The following SPRED1 variants were observed in gnomAD, a reference collection of about 807,000 sequenced individuals.
The protein encoded by SPRED1 is sprouty-related, EVH1 domain-containing protein 1.
Under a neutral mutation model 52.3 loss-of-function variants are expected in SPRED1, and 18 were observed. The ratio of observed to expected loss-of-function variants is 0.34; its 90% CI spans 0.24 to 0.51. SPRED1 has a LOEUF of 0.51. SPRED1 is among the 20% of genes least tolerant of loss of function. The pLI is 0.97. For synonymous variants in SPRED1, 155 were observed against 179.7 expected (o/e 0.86, Z 1.10); for missense variants, 485 against 551.0 (o/e 0.88, Z 1.20).
intron 1 of SPRED1, chr15:38,298,525 T>C: frequency 3.1e-6 from 1 of 322,518 alleles, no homozygotes; most frequent in Non-Finnish European, 5.8e-6. Context: ...AAAAATTAAC[T>C]TCTGGTACAC....
chr15:38,272,571 C>T (rs1258156329), intron 1 of SPRED1, among the ~76,000 whole-genome samples: 1 of 152,102 alleles, frequency 6.6e-6, no homozygotes, highest in Non-Finnish European at 1.5e-5. Flanking sequence ...TGCCCGACCT[C>T]GAATGGTAGT....
chr15:38,333,109 A>AT (rs1895838494), intron 4 of SPRED1, among the ~76,000 whole-genome samples: 1 of 152,168 alleles, frequency 6.6e-6, no homozygotes, highest in African/African-American at 2.4e-5. Context: ...GGACACAAAC[A>AT]TTCGGAGTAT....
chr15:38,338,038 TAAAAA>T (rs66632536), intron 4 of SPRED1, among the ~76,000 whole-genome samples: 5 of 88,912 alleles, frequency 5.6e-5, no homozygotes, highest in South Asian at 8.3e-4. Flanking sequence ...CCATTGCTAC[TAAAAA>T]AAAAAAAAAA....
chr15:38,318,872 C>A (rs1006419468), intron 2 of SPRED1, among the ~76,000 whole-genome samples: 1 of 152,102 alleles, frequency 6.6e-6, no homozygotes, highest in African/African-American at 2.4e-5. Context: ...TAGGTTGATT[C>A]CATGTCTTTG....
In SPRED1 at chr15:38,320,775, A is replaced by C. The variant is rs115422038; in HGVS notation, c.208-1466A>C. Among the ~76,000 whole-genome samples the C allele has an allele frequency of 2.0e-3, 312 of 152,284 alleles. 1 individual carries two copies. The highest frequency in any genetic ancestry group is 6.9e-3 in the African/African-American group (288 of 41,564). ...GATTCTTAAAATAATTAAGGTGTGTAGTTCTAGTCTTTTTATTAGATTAAT... is the reference window on the plus strand; with the variant it reads ...GATTCTTAAAATAATTAAGGTGTGTCGTTCTAGTCTTTTTATTAGATTAAT... On this transcript the variant is annotated intron_variant, in intron 2 of 6. Transcript: ENST00000299084.
At chr15:38,319,092 GTTA>G (rs149830361) in intron 2 of SPRED1, among the ~76,000 whole-genome samples, 125,231 of 151,754 alleles carry the variant, frequency 0.83, 52,464 homozygotes, top group Non-Finnish European at 0.9. Context: ...TTAATTTGGT[GTTA>G]TTATTATATA....
chr15:38,268,940 CTT>C (rs66775738), intron 1 of SPRED1, among the ~76,000 whole-genome samples: 131 of 121,856 alleles, frequency 1.1e-3, no homozygotes, highest in East Asian at 2.7e-3. Flanking sequence ...TAACTTTTTT[CTT>C]TTTTTTTTTT....
intron 1 of SPRED1, among the ~76,000 whole-genome samples, chr15:38,263,174 T>A (rs1421117689): frequency 6.6e-6 from 1 of 152,208 alleles, no homozygotes; most frequent in Non-Finnish European, 1.5e-5. Flanking sequence ...GGTTGTGGGA[T>A]GACTTGAACA....
At position 38,351,317 on chromosome 15, in the gene SPRED1, G is replaced by A. The variant is rs1262032202; in HGVS notation, c.988G>A (p.Gly330Ser). ...GAAGTCAAAACGAAGAAAAGAGGAT[G>A]GTGAACGTTCTCGCTGCGTATACTG... ...IKKSKRRKED[G>S]ERSRCVYCQE... The change falls in exon 7 of 7, where the codon GGT (glycine) becomes AGT (serine). Residue 330 changes from glycine (G) to serine (S), a missense_variant. By Grantham distance (56) the Gly-to-Ser change is moderately conservative (BLOSUM62 0). This residue lies in a region of SPRED1 where 205 missense variants were observed against 245.2 expected (regional missense o/e 0.84). Transcript: ENST00000299084. 2.5e-6 allele frequency: 4 copies of A among 1,614,066 alleles called. 1 individual carries two copies. In the South Asian group the frequency reaches 4.4e-5, roughly 18 times the overall value.
intron 3 of SPRED1, among the ~76,000 whole-genome samples, chr15:38,324,283 A>G (rs1895664922): frequency 6.6e-6 from 1 of 152,208 alleles, no homozygotes; most frequent in South Asian, 2.1e-4. Context: ...AAAAGTCAGT[A>G]ACAACAATTG....
At chr15:38,302,961 C>T (rs973323559) in intron 2 of SPRED1, among the ~76,000 whole-genome samples, 7 of 151,792 alleles carry the variant, frequency 4.6e-5, no homozygotes, top group Non-Finnish European at 7.4e-5. Context: ...CAGGAAATAG[C>T]GACCATCGTG....
At chr15:38,295,975 G>A (rs1281365017) in intron 1 of SPRED1, among the ~76,000 whole-genome samples, 1 of 152,098 alleles carries the variant, frequency 6.6e-6, no homozygotes, top group Non-Finnish European at 1.5e-5. Flanking sequence ...CCAGGAAATG[G>A]GAAGAATGGG....
At chr15:38,291,891 G>A (rs72709700) in intron 1 of SPRED1, among the ~76,000 whole-genome samples, 13,821 of 152,210 alleles carry the variant, frequency 0.091, 757 homozygotes, top group East Asian at 0.21. Context: ...ATGGTCTTGG[G>A]GATTAACATT....
chr15:38,314,390 C>A (rs1895428886), intron 2 of SPRED1, among the ~76,000 whole-genome samples: 1 of 151,786 alleles, frequency 6.6e-6, no homozygotes, highest in Non-Finnish European at 1.5e-5. Context: ...ATTCATTATA[C>A]CTTTTAGCCT....
intron 1 of SPRED1, among the ~76,000 whole-genome samples, chr15:38,293,249 G>A (rs1486186753): frequency 2.6e-5 from 4 of 151,748 alleles, no homozygotes; most frequent in Non-Finnish European, 4.4e-5. Flanking sequence ...ACAGGCACAC[G>A]CCACTACGCC....
Position 38,356,563 on chromosome 15 carries a change from A to G in SPRED1, c.*4899A>G, listed in dbSNP as rs1888626225. On this transcript the variant is annotated 3_prime_UTR_variant, in exon 7 of 7. Coordinates refer to ENST00000299084, the MANE Select transcript of SPRED1 (RefSeq NM_152594.3). ...CTTTTGATAATTAGCTCTGTTCTTTAAAAGTATACTTTTAAACTGAAAGTT... is the reference window on the plus strand; with the variant it reads ...CTTTTGATAATTAGCTCTGTTCTTTGAAAGTATACTTTTAAACTGAAAGTT... The G allele has an allele frequency of 3.3e-5, 5 of 151,690 alleles. No homozygotes were observed. The highest frequency in any genetic ancestry group is 7.4e-5 in the Non-Finnish European group (5 of 67,950). 9.4% of individuals were successfully genotyped at this position (151,690 alleles called of 1,614,324 possible).
In SPRED1 at chr15:38,253,114, C is replaced by A; in HGVS notation, c.-72C>A. 7.0e-7 allele frequency: 1 copy of A among 1,431,770 alleles called. No homozygotes were observed. Among genetic ancestry groups the A allele is most frequent in the Non-Finnish European group, 9.6e-7 (1 of 1,039,016 alleles). The allele number at this position is 1,431,770 out of a possible 1,614,324, so 88.7% of individuals were successfully genotyped here. ...CCCCCGGCCGCCGCTGCCTCCTGCC[C>A]CTCGGTGCTGCTGTTGCTCCCCCGC... On this transcript the variant is annotated 5_prime_UTR_variant, in exon 1 of 7. Transcript: ENST00000299084.
intron 4 of SPRED1, among the ~76,000 whole-genome samples, chr15:38,327,547 A>T (rs1895729897): frequency 6.6e-6 from 1 of 152,120 alleles, no homozygotes; most frequent in South Asian, 2.1e-4. Flanking sequence ...TGGAGGAGAG[A>T]TGTATGAAGA....
intron 1 of SPRED1, among the ~76,000 whole-genome samples, chr15:38,261,998 C>CTTTTTTTTTTTTTTTTTTTTTCTTTTTT (rs35445689): frequency 7.4e-6 from 1 of 135,670 alleles, no homozygotes; most frequent in Non-Finnish European, 1.6e-5. Context: ...TCACCAAACT[C>CTTTTTTTTTTTTTTTTTTTTTCTTTTTT]TTTTTTTTTT....
Sources: allele counts gnomAD v4.1 joint callset (sites outside exome capture counted in the v4.1 genomes callset), GRCh38; gene constraint gnomAD v4.1.1; regional missense constraint gnomAD v4.1.1; transcripts MANE v1.5; gene names NCBI Gene and HGNC (gene_info 2026-07-23, HGNC 2026-07-21).